Variants in SYT1 observed in about 807,000 individuals in gnomAD.
SYT1 encodes the protein synaptotagmin 1.
Under a neutral mutation model 44.8 loss-of-function variants are expected in SYT1, and 8 were observed. The ratio of observed to expected loss-of-function variants is 0.18; its 90% CI spans 0.10 to 0.32. SYT1 has a LOEUF of 0.32. Ranked by LOEUF, SYT1 falls within the 10% of genes least tolerant of loss-of-function variation. The pLI, the probability that SYT1 is intolerant of heterozygous loss-of-function variation, is 1.00. For synonymous variants in SYT1, 154 were observed against 188.8 expected (o/e 0.82, Z 1.51); for missense variants, 286 against 509.3 (o/e 0.56, Z 4.22).
intron 9 of SYT1, among the ~76,000 whole-genome samples, chr12:79,428,301 A>T (rs544980459): frequency 6.6e-6 from 1 of 152,116 alleles, no homozygotes; most frequent in Non-Finnish European, 1.5e-5. Flanking sequence ...GCCTAGCTAC[A>T]CTCTCAAAGG....
intron 3 of SYT1, among the ~76,000 whole-genome samples, chr12:79,180,698 A>T (rs1172497021): frequency 6.6e-6 from 1 of 151,990 alleles, no homozygotes; most frequent in African/African-American, 2.4e-5. Flanking sequence ...TCTCAAGAAA[A>T]TGAACTCACT....
chr12:79,044,835 T>C (rs1201472888), intron 2 of SYT1, among the ~76,000 whole-genome samples: 2 of 151,568 alleles, frequency 1.3e-5, no homozygotes, highest in African/African-American at 4.8e-5. Context: ...TTTGTTAGTT[T>C]TCCTTCTAAC....
At chr12:79,381,312 T>G (rs1304896419) in intron 9 of SYT1, among the ~76,000 whole-genome samples, 1 of 152,206 alleles carries the variant, frequency 6.6e-6, no homozygotes, top group African/African-American at 2.4e-5. Flanking sequence ...TGTAAAACTC[T>G]GTAGTTGAGA....
intron 3 of SYT1, among the ~76,000 whole-genome samples, chr12:79,194,485 G>A (rs543361112): frequency 3.3e-5 from 5 of 150,756 alleles, no homozygotes; most frequent in South Asian, 2.1e-4. Flanking sequence ...TTGTAGAGAC[G>A]GGTCTCACTA....
intron 4 of SYT1, among the ~76,000 whole-genome samples, chr12:79,267,662 T>C (rs993548840): frequency 1.6e-4 from 25 of 152,202 alleles, no homozygotes; most frequent in African/African-American, 6.0e-4. Flanking sequence ...ATGAAAACTG[T>C]TACAAACTTC....
chr12:79,348,209 C>A (rs1029707212), intron 8 of SYT1, among the ~76,000 whole-genome samples: 1 of 152,128 alleles, frequency 6.6e-6, no homozygotes, highest in Non-Finnish European at 1.5e-5. Flanking sequence ...AAGGATCATG[C>A]TGCCTTTTAT....
At chr12:78,880,184 A>G (rs914692634) in intron 1 of SYT1, among the ~76,000 whole-genome samples, 1 of 151,718 alleles carries the variant, frequency 6.6e-6, no homozygotes, top group Non-Finnish European at 1.5e-5. Flanking sequence ...ATTTTTCCTC[A>G]TCCATGTGGA....
At chr12:79,049,878 T>G (rs531028509) in intron 3 of SYT1, among the ~76,000 whole-genome samples, 5 of 152,148 alleles carry the variant, frequency 3.3e-5, no homozygotes, top group African/African-American at 1.2e-4. Context: ...TAAAGACGCT[T>G]AGAGCACATT....
chr12:79,362,736 C>G (rs1484742481), intron 9 of SYT1, among the ~76,000 whole-genome samples: 1 of 152,082 alleles, frequency 6.6e-6, no homozygotes, highest in Non-Finnish European at 1.5e-5. Context: ...TTTATCACAT[C>G]CCACAATACT....
At chr12:79,055,873 A>G (rs1352318728) in intron 3 of SYT1, among the ~76,000 whole-genome samples, 5 of 152,024 alleles carry the variant, frequency 3.3e-5, no homozygotes, top group African/African-American at 4.8e-5. Context: ...ATTATAAAAC[A>G]TAGTCATGTA....
chr12:78,876,544 T>C (rs535812900), intron 1 of SYT1, among the ~76,000 whole-genome samples: 1 of 140,144 alleles, frequency 7.1e-6, no homozygotes, highest in Non-Finnish European at 1.5e-5. Context: ...TTATACTATA[T>C]ATATGAGTGT....
chr12:79,177,136 G>A lies in SYT1; in HGVS notation c.-17-40367G>A, dbSNP rs181029137. Reference sequence around the variant, plus strand: ...ATGTATACATGTGCCATGCTGGTGCGCTGCACCCACTAACGTGTCATCTAG... The same window carrying A: ...ATGTATACATGTGCCATGCTGGTGCACTGCACCCACTAACGTGTCATCTAG... On this transcript the variant is annotated intron_variant, in intron 3 of 10. Coordinates refer to ENST00000261205, the MANE Select transcript of SYT1 (RefSeq NM_005639.3). 6.5e-3 allele frequency among the ~76,000 whole-genome samples: 758 copies of A among 117,416 alleles called. 3 individuals carry two copies. The highest frequency in any genetic ancestry group is 0.031 in the Middle Eastern group (8 of 254). 77.0% of individuals were successfully genotyped at this position (117,416 alleles called of 152,430 possible).
chr12:79,317,498 CTG>C (rs1274930274), intron 8 of SYT1, among the ~76,000 whole-genome samples: 7 of 152,200 alleles, frequency 4.6e-5, no homozygotes, highest in African/African-American at 1.4e-4. Context: ...CGCCTTGCTC[CTG>C]GGCTTCAGGA....
intron 1 of SYT1, among the ~76,000 whole-genome samples, chr12:78,918,165 C>T (rs886346231): frequency 1.3e-5 from 2 of 151,994 alleles, no homozygotes; most frequent in Admixed American, 1.3e-4. Flanking sequence ...ACAGAAGACA[C>T]ATGTTTTATT....
At chr12:79,158,055 G>A (rs1419238688) in intron 3 of SYT1, among the ~76,000 whole-genome samples, 4 of 152,186 alleles carry the variant, frequency 2.6e-5, no homozygotes, top group African/African-American at 4.8e-5. Flanking sequence ...GGGAATGAAC[G>A]GGGTGGTTTC....
chr12:79,067,817 C>G (rs1875979057), intron 3 of SYT1, among the ~76,000 whole-genome samples: 1 of 152,124 alleles, frequency 6.6e-6, no homozygotes, highest in South Asian at 2.1e-4. Flanking sequence ...TACATCCTCC[C>G]CTAGGATCAA....
At chr12:78,929,230 C>T (rs1233396716) in intron 1 of SYT1, among the ~76,000 whole-genome samples, 2 of 150,818 alleles carry the variant, frequency 1.3e-5, no homozygotes, top group African/African-American at 2.4e-5. Context: ...GGTGAAACTC[C>T]GCCTCTACTA....
At position 78,923,364 on chromosome 12, in the gene SYT1, C is replaced by T. The variant is rs537139366; in HGVS notation, c.-216-54435C>T. ...GTGTTTTCTTTATTGGCATGTGTTA[C>T]AGCTCCTATTTATATGTGAGACACT... On this transcript the variant is annotated intron_variant, in intron 1 of 10. Transcript: ENST00000261205. 1.1e-4 allele frequency among the ~76,000 whole-genome samples: 16 copies of T among 151,986 alleles called. No individual in the cohort carries two copies. The South Asian group carries it at 3.3e-3, about 31-fold the overall frequency.
In SYT1 at chr12:78,987,744, A is replaced by G. The variant is rs190518926; in HGVS notation, c.-84+9813A>G. ...TCAGATGGGCTTACTAGTGAATTTTACTCAACATTTAAAGAAGAGATATTA... is the reference window on the plus strand; with the variant it reads ...TCAGATGGGCTTACTAGTGAATTTTGCTCAACATTTAAAGAAGAGATATTA... On this transcript the variant is annotated intron_variant, in intron 2 of 10. Coordinates refer to ENST00000261205, the MANE Select transcript of SYT1 (RefSeq NM_005639.3). Among the ~76,000 whole-genome samples the G allele has an allele frequency of 5.3e-4, 80 of 152,186 alleles. 1 individual carries two copies. The highest frequency in any genetic ancestry group is 3.4e-3 in the Middle Eastern group (1 of 294).
Sources: gnomAD v4.1 joint callset for allele counts (sites outside exome capture counted in the v4.1 genomes callset) on GRCh38, gnomAD v4.1.1 for gene constraint, MANE v1.5 for transcripts, NCBI Gene and HGNC (gene_info 2026-07-23, HGNC 2026-07-21) for gene names.